Variants in ACTR3B observed in about 807,000 individuals in gnomAD.
The protein encoded by ACTR3B is actin related protein 3B, also known as actin-related protein 3B.
In ACTR3B, 8 loss-of-function variants were observed where a neutral mutation model predicts 59.0. The observed-to-expected ratio is 0.14, with a 90% CI of 0.08 to 0.24. ACTR3B has a LOEUF of 0.24. ACTR3B is among the 10% of genes least tolerant of loss of function. The probability of loss-of-function intolerance (pLI) is 1.00; values close to 1 mark genes in which losing one functional copy is unlikely to be tolerated. For synonymous variants in ACTR3B, 148 were observed against 197.9 expected, an observed-to-expected ratio of 0.75 and a Z score of 2.12; for missense variants, 245 against 552.3, an observed-to-expected ratio of 0.44 and a Z score of 5.58.
intron 1 of ACTR3B, among the ~76,000 whole-genome samples, chr7:152,760,241 G>A (rs927290630): frequency 4.6e-5 from 7 of 152,188 alleles, no homozygotes; most frequent in African/African-American, 7.2e-5. Flanking sequence ...GCCCGGCTCC[G>A]GCCGTCGCCG....
intron 2 of ACTR3B, among the ~76,000 whole-genome samples, chr7:152,785,641 G>A (rs1437815162): frequency 2.4e-5 from 3 of 123,662 alleles, no homozygotes; most frequent in Admixed American, 1.6e-4. Context: ...GGCCTGCTGC[G>A]TGTCTTGGGG....
At chr7:152,792,001 C>T (rs943910536) in intron 2 of ACTR3B, among the ~76,000 whole-genome samples, 2 of 152,122 alleles carry the variant, frequency 1.3e-5, no homozygotes, top group African/African-American at 2.4e-5. Context: ...AAGCAATTCT[C>T]CTGCCTCAGC....
intron 1 of ACTR3B, among the ~76,000 whole-genome samples, chr7:152,772,836 A>C (rs1008656473): frequency 6.6e-6 from 1 of 151,562 alleles, no homozygotes; most frequent in African/African-American, 2.4e-5. Context: ...TCAACCTTAA[A>C]AATGTCAACA....
At chr7:152,778,943 CAAAAAAAAAAAAAAAAAAAAAAAA>C (rs59789390) in intron 1 of ACTR3B, among the ~76,000 whole-genome samples, 45 of 36,828 alleles carry the variant, frequency 1.2e-3, no homozygotes, top group South Asian at 9.9e-3. Context: ...ACTGTGTCTC[CAAAAAAAAAAAAAAAAAAAAAAAA>C]AAAAAAAAAA....
intron 1 of ACTR3B, among the ~76,000 whole-genome samples, chr7:152,768,878 G>A (rs563977447): frequency 1.3e-5 from 2 of 150,618 alleles, no homozygotes; most frequent in East Asian, 3.9e-4. Flanking sequence ...AATTGAGACC[G>A]AGTCTCCTTC....
At position 152,838,362 on chromosome 7, in the gene ACTR3B, A is replaced by G. The variant is rs551524009; in HGVS notation, c.951+13240A>G. Among the ~76,000 whole-genome samples, 416 of 152,318 alleles carry G rather than the reference A, an allele frequency of 2.7e-3. 1 individual carries two copies. Among genetic ancestry groups the G allele is most frequent in the Middle Eastern group, 6.8e-3 (2 of 294 alleles). On this transcript the variant is annotated intron_variant, in intron 9 of 11. Transcript: ENST00000256001. ...ATGGAATACTATGAAGCCATAAAAAAGGATGAGTTCATGTCCTTTGCAGGG... is the reference window on the plus strand; with the variant it reads ...ATGGAATACTATGAAGCCATAAAAAGGGATGAGTTCATGTCCTTTGCAGGG...
intron 1 of ACTR3B, among the ~76,000 whole-genome samples, chr7:152,773,415 C>T (rs1413615105): frequency 6.6e-5 from 10 of 151,940 alleles, no homozygotes; most frequent in Non-Finnish European, 1.5e-4. Context: ...GGTGAAACCC[C>T]GTCTCTACTA....
intron 7 of ACTR3B, 145 bp downstream of exon 7, chr7:152,820,587 G>A (rs1272707093): frequency 8.5e-6 from 12 of 1,411,502 alleles, no homozygotes; most frequent in Non-Finnish European, 1.1e-5. Context: ...TACCCCTTAA[G>A]TGGGCTGAAG....
Position 152,824,864 on chromosome 7 carries a change from G to A in ACTR3B, c.859-166G>A, listed in dbSNP as rs114218469. On this transcript the variant is annotated intron_variant, in intron 8 of 11. Transcript: ENST00000256001. This position sits in a 1 kb window ranked among gnomAD's most constrained non-coding sequence, Gnocchi z 4.2. ...GAGAAATGTGTCATCACCGCTCCAC[G>A]CACTTGTAGTCACATGGGATTCATT... Among the ~76,000 whole-genome samples, 598 of 152,242 alleles carry A rather than the reference G, an allele frequency of 3.9e-3. 6 individuals carry two copies. The highest frequency in any genetic ancestry group is 0.039 in the South Asian group (189 of 4,824).
intron 9 of ACTR3B, among the ~76,000 whole-genome samples, chr7:152,832,005 C>T (rs1230786313): frequency 6.6e-6 from 1 of 152,138 alleles, no homozygotes; most frequent in African/African-American, 2.4e-5. Context: ...GCTTGGGCTG[C>T]ACCAGGGGAT....
rs530864897 is a variant in ACTR3B, at chr7:152,777,336, C to G, written c.45-5851C>G. On this transcript the variant is annotated intron_variant, in intron 1 of 11. Coordinates refer to ENST00000256001, the MANE Select transcript of ACTR3B (RefSeq NM_020445.6). ...AAAACAAAAAACAAAAAAAACAAAA[C>G]GGACTCTTCCTGTGTAAGATTAAGG... 2.0e-5 allele frequency among the ~76,000 whole-genome samples: 3 copies of G among 151,338 alleles called. No individual in the cohort carries two copies. In the South Asian group the frequency reaches 6.2e-4, roughly 31 times the overall value.
In ACTR3B at chr7:152,853,495, C is replaced by G; in HGVS notation, c.1079C>G (p.Pro360Arg). 6.2e-7 allele frequency: 1 copy of G among 1,613,730 alleles called. No homozygotes were observed. Among genetic ancestry groups the G allele is most frequent in the Non-Finnish European group, 8.5e-7 (1 of 1,179,848 alleles). The change falls in exon 11 of 12, where the codon CCG becomes CGG. Residue 360 changes from proline to arginine, a missense_variant and splice_region_variant. By Grantham distance (103) the Pro-to-Arg change is moderately radical. Around this residue, in one of 7 missense-constraint regions of ACTR3B, gnomAD observed 153 missense variants for 266.2 expected, o/e 0.57. Transcript: ENST00000256001. ...AGTGAGAGCTGCTTTCTCTTCCAGC[C>G]GAAGCCTGTGGAGGTCCAGGTGGTC... is the stretch of plus-strand genomic sequence containing the variant. ...SEELSGGRIK[P>R]KPVEVQVVTH...
At chr7:152,785,408 AGGGAGGGAGAGGGAGG>A (rs2098168883) in intron 2 of ACTR3B, among the ~76,000 whole-genome samples, 2 of 1,890 alleles carry the variant, frequency 1.1e-3, no homozygotes, top group South Asian at 0.038. Flanking sequence ...GGAGGGGGAG[AGGGAGGGAGAGGGAGG>A]GAGAGAGAGG....
intron 1 of ACTR3B, among the ~76,000 whole-genome samples, chr7:152,782,222 A>C (rs576621575): frequency 6.7e-6 from 1 of 149,516 alleles, no homozygotes; most frequent in East Asian, 1.9e-4. Context: ...AGTTAGTTTC[A>C]ACACTGCTGG....
intron 7 of ACTR3B, among the ~76,000 whole-genome samples, chr7:152,822,215 G>A (rs547498111): frequency 6.2e-4 from 95 of 152,328 alleles, no homozygotes; most frequent in African/African-American, 2.2e-3. Context: ...ATTAGAATAT[G>A]TTTCAGGGAT....
At chr7:152,829,076 C>G (rs1228197163) in intron 9 of ACTR3B, among the ~76,000 whole-genome samples, 4 of 150,652 alleles carry the variant, frequency 2.7e-5, no homozygotes, top group Non-Finnish European at 5.9e-5. Context: ...ACACACACAT[C>G]AAGAGCAGGA....
chr7:152,763,315 A>C (rs2098096651), intron 1 of ACTR3B, among the ~76,000 whole-genome samples: 1 of 87,550 alleles, frequency 1.1e-5, no homozygotes, highest in Non-Finnish European at 2.1e-5. Context: ...CTCCATCTCA[A>C]AAAAAAAAAA....
At chr7:152,812,016 A>ATTTTTTTT in intron 4 of ACTR3B, 1 of 68,262 alleles carries the variant, frequency 1.5e-5, no homozygotes, top group African/African-American at 5.9e-5. Context: ...AGAAAATAAA[A>ATTTTTTTT]GTCTTTTTTT....
At chr7:152,797,717 C>T (rs1032837314) in intron 2 of ACTR3B, among the ~76,000 whole-genome samples, 29 of 152,266 alleles carry the variant, frequency 1.9e-4, no homozygotes, top group African/African-American at 7.0e-4. Flanking sequence ...CTGTAACCAC[C>T]ATTCTATAGC....
Sources: allele counts gnomAD v4.1 joint callset (sites outside exome capture counted in the v4.1 genomes callset), GRCh38; gene constraint gnomAD v4.1.1; regional missense constraint gnomAD v4.1.1; non-coding constraint Gnocchi (gnomAD v3.1); transcripts MANE v1.5; gene names NCBI Gene and HGNC (gene_info 2026-07-23, HGNC 2026-07-21).